TCF3: variants seen among roughly 807,000 people sequenced by gnomAD.
TCF3 encodes the protein transcription factor 3, also known as transcription factor E2-alpha.
In TCF3, 54 loss-of-function variants were observed where a neutral mutation model predicts 72.3. The observed-to-expected ratio is 0.75, with a 90% CI of 0.60 to 0.94. The LOEUF is 0.94. Among genes scored for constraint, TCF3 ranks in the 40% least tolerant of loss-of-function variants. The probability of loss-of-function intolerance (pLI) is 0.00; values close to 1 mark genes in which losing one functional copy is unlikely to be tolerated. For synonymous variants in TCF3, 525 were observed against 412.6 expected, an observed-to-expected ratio of 1.27 and a Z score of -3.30; for missense variants, 1,078 against 934.4, an observed-to-expected ratio of 1.15 and a Z score of -2.00.
At chr19:1,640,071 A>T (rs2065019915) in intron 3 of TCF3, among the ~76,000 whole-genome samples, 1 of 152,184 alleles carries the variant, frequency 6.6e-6, no homozygotes, top group African/African-American at 2.4e-5. Context: ...AAACCACCTA[A>T]AAGTTGGCGC....
rs1229212085 is a variant in TCF3, at chr19:1,610,995, T to G, written c.*712A>C. ...TTAATACAACGTTTAATCATCTGGT[T>G]GATCAAGAAATGCAATGCTCAGTCT... is the stretch of plus-strand genomic sequence containing the variant. On this transcript the variant is annotated 3_prime_UTR_variant, in exon 19 of 19. Transcript: ENST00000262965. The G allele has an allele frequency of 8.8e-6, 2 of 226,816 alleles. No homozygotes were observed. Among genetic ancestry groups the G allele is most frequent in the Admixed American group, 1.1e-4 (2 of 17,432 alleles). The allele number at this position is 226,816 out of a possible 1,614,324, so 14.1% of individuals were successfully genotyped here.
In TCF3 at chr19:1,622,386, G is replaced by A. The variant is rs760610551; in HGVS notation, c.579C>T (p.Tyr193=). Residue 193 remains tyrosine (Y), a synonymous_variant, in exon 9 of 19, where the codon TAC becomes TAT. Coordinates refer to ENST00000262965, the MANE Select transcript of TCF3 (RefSeq NM_003200.5). ...ACGGGTAGGCGGTGGCATCCCTGCC[G>A]TAGTCCTCACCTGAGCTGGGTGGGT... The part of the protein sequence containing the change: ...SVYPPSSGED[Y]GRDATAYPSA... 27 of 1,276,074 alleles carry A rather than the reference G, an allele frequency of 2.1e-5. No homozygotes were observed. Among genetic ancestry groups the A allele is most frequent in the Middle Eastern group, 2.3e-4 (1 of 4,292 alleles). 79.0% of individuals were successfully genotyped at this position (1,276,074 alleles called of 1,614,324 possible). A position where few individuals can be genotyped will look rare whatever the true frequency, so the allele number is the denominator to read the frequency against.
intron 3 of TCF3, among the ~76,000 whole-genome samples, chr19:1,635,198 T>C (rs1441609876): frequency 6.6e-6 from 1 of 152,206 alleles, no homozygotes; most frequent in African/African-American, 2.4e-5. Flanking sequence ...GCCCCAGCTC[T>C]GCAATGTGCC....
Position 1,609,395 on chromosome 19 carries a change from CAGCT to C in TCF3, c.*2308_*2311del, listed in dbSNP as rs529273234. On this transcript the variant is annotated 3_prime_UTR_variant, in exon 19 of 19. Transcript: ENST00000262965. Reference sequence around the variant, plus strand: ...CGTTTTAAAGTCCCAATCATCCAGCCAGCTGTGTTGACACGTATACAATTATTTT... The same window carrying C: ...CGTTTTAAAGTCCCAATCATCCAGCCGTGTTGACACGTATACAATTATTTT... The C allele has an allele frequency of 3.1e-4, 64 of 208,410 alleles. 1 individual carries two copies. The South Asian group carries it at 0.01, about 33-fold the overall frequency. 12.9% of individuals were successfully genotyped at this position (208,410 alleles called of 1,614,324 possible). A position where few individuals can be genotyped will look rare whatever the true frequency, so the allele number is the denominator to read the frequency against.
Position 1,632,408 on chromosome 19 carries a change from G to A in TCF3, c.146-3C>T, listed in dbSNP as rs746040934. ...TGAGCTGGGCCGGTCCTCAAGACCT[G>A]CAGGCAGGACAGAGAGAGTTATGGG... On this transcript the variant is annotated splice_polypyrimidine_tract_variant and splice_region_variant and intron_variant, in intron 3 of 18. Coordinates refer to ENST00000262965, the MANE Select transcript of TCF3 (RefSeq NM_003200.5). The A allele has an allele frequency of 2.5e-6, 4 of 1,590,310 alleles. No individual in the cohort carries two copies. Among genetic ancestry groups the A allele is most frequent in the Non-Finnish European group, 3.4e-6 (4 of 1,168,754 alleles).
At chr19:1,635,386 G>A (rs1317627513) in intron 3 of TCF3, among the ~76,000 whole-genome samples, 3 of 152,084 alleles carry the variant, frequency 2.0e-5, no homozygotes, top group African/African-American at 7.2e-5. Flanking sequence ...GCAAAACTTG[G>A]CTCTTCTCCC....
At chr19:1,645,638 G>A (rs2065975557) in intron 3 of TCF3, among the ~76,000 whole-genome samples, 1 of 152,146 alleles carries the variant, frequency 6.6e-6, no homozygotes, top group Non-Finnish European at 1.5e-5. Flanking sequence ...CCCGCTTTGG[G>A]GCAACCTGGC....
At chr19:1,646,320 A>T in intron 3 of TCF3, 35 bp downstream of exon 3, 1 of 1,543,328 alleles carries the variant, frequency 6.5e-7, no homozygotes, top group South Asian at 1.2e-5. Flanking sequence ...TGATCTCCTC[A>T]CTCCACGAGC....
At chr19:1,646,458 G>A in intron 2 of TCF3, 31 bp from the exon 3 acceptor site, 1 of 1,544,040 alleles carries the variant, frequency 6.5e-7, no homozygotes, top group Non-Finnish European at 8.8e-7. Context: ...ACGTGAGCGG[G>A]GCGGGTGGCA....
At chr19:1,639,479 C>CCAT (rs2064929386) in intron 3 of TCF3, among the ~76,000 whole-genome samples, 1 of 152,100 alleles carries the variant, frequency 6.6e-6, no homozygotes, top group Non-Finnish European at 1.5e-5. Context: ...AGGGGGATGG[C>CCAT]GCTGCTCTCA....
chr19:1,612,107 G>A, intron 18 of TCF3: 4 of 1,254,022 alleles, frequency 3.2e-6, no homozygotes, highest in South Asian at 1.5e-5. Context: ...GACAGACATG[G>A]ACAGAGTCCG....
At position 1,615,910 on chromosome 19, in the gene TCF3, T is replaced by A. The variant is rs1259463478; in HGVS notation, c.1451-89A>T. On this transcript the variant is annotated intron_variant, in intron 16 of 18. Transcript: ENST00000262965. The surrounding 1 kb of genome is among the most constrained non-coding windows in gnomAD (Gnocchi z 7.3). ...TGCTCCTGTGGTGAGGGACTTGGGC[T>A]TTCCTGGAAAAACCAGGTCTTGGCC... is the stretch of plus-strand genomic sequence containing the variant. 12 of 1,435,326 alleles carry A rather than the reference T, an allele frequency of 8.4e-6. No homozygotes were observed. Among genetic ancestry groups the A allele is most frequent in the Non-Finnish European group, 1.1e-5 (12 of 1,092,400 alleles). The allele number at this position is 1,435,326 out of a possible 1,614,324, so 88.9% of individuals were successfully genotyped here. A position where few individuals can be genotyped will look rare whatever the true frequency, so the allele number is the denominator to read the frequency against.
At chr19:1,622,810 T>G (rs568311868) in intron 8 of TCF3, among the ~76,000 whole-genome samples, 1 of 152,230 alleles carries the variant, frequency 6.6e-6, no homozygotes, top group African/African-American at 2.4e-5. Flanking sequence ...CTTCCAGTGC[T>G]GAGCTTCCCT....
intron 2 of TCF3, among the ~76,000 whole-genome samples, chr19:1,646,678 T>C (rs1389433623): frequency 6.6e-6 from 1 of 152,144 alleles, no homozygotes; most frequent in East Asian, 1.9e-4. Context: ...ATGACCCCGC[T>C]GTACCGCCAG....
Position 1,646,321 on chromosome 19 carries a change from CTCCACGAGCGCTGGCAG to C in TCF3, c.145+17_145+33del, listed in dbSNP as rs1424829733. 6.5e-7 allele frequency: 1 copy of C among 1,547,772 alleles called. No individual in the cohort carries two copies. Among genetic ancestry groups the C allele is most frequent in the South Asian group, 1.2e-5 (1 of 83,896 alleles). On this transcript the variant is annotated intron_variant, in intron 3 of 18. Transcript: ENST00000262965. ...CTTCAACAGACCCTTGATCTCCTCACTCCACGAGCGCTGGCAGGAAGGCGGGGTCCTACCTGAACCTC... is the reference window on the plus strand; with the variant it reads ...CTTCAACAGACCCTTGATCTCCTCACGAAGGCGGGGTCCTACCTGAACCTC...
chr19:1,627,445 G>T lies in TCF3; in HGVS notation c.299-19C>A. The T allele has an allele frequency of 6.2e-7, 1 of 1,611,194 alleles. No individual in the cohort carries two copies. The highest frequency in any genetic ancestry group is 8.5e-7 in the Non-Finnish European group (1 of 1,179,282). ...CTCTTGCCTGCAAGGGGAGAAGGAA[G>T]GTTAGTGGGAGGCGACCCCAAGGAA... On this transcript the variant is annotated intron_variant, in intron 5 of 18. Coordinates refer to ENST00000262965, the MANE Select transcript of TCF3 (RefSeq NM_003200.5).
At chr19:1,624,464 C>G (rs940766953) in intron 7 of TCF3, among the ~76,000 whole-genome samples, 2 of 152,180 alleles carry the variant, frequency 1.3e-5, no homozygotes, top group African/African-American at 4.8e-5. Context: ...CCAAAGATGT[C>G]GAAGAACCAC....
chr19:1,612,245 G>T, intron 18 of TCF3: 1 of 1,606,336 alleles, frequency 6.2e-7, no homozygotes, highest in Non-Finnish European at 8.5e-7. Flanking sequence ...GACCTGCACG[G>T]CCTGCTGCAG....
intron 8 of TCF3, among the ~76,000 whole-genome samples, chr19:1,623,530 C>T (rs987674774): frequency 2.6e-5 from 4 of 151,922 alleles, no homozygotes; most frequent in Non-Finnish European, 4.4e-5. Flanking sequence ...ATTACAGGCA[C>T]GCACCACCAC....
Sources: gnomAD v4.1 joint callset for allele counts (sites outside exome capture counted in the v4.1 genomes callset) on GRCh38, gnomAD v4.1.1 for gene constraint, Gnocchi (gnomAD v3.1) non-coding constraint, MANE v1.5 for transcripts, NCBI Gene and HGNC (gene_info 2026-07-23, HGNC 2026-07-21) for gene names.